Variants in CDKAL1 observed in about 807,000 individuals in gnomAD.
The protein encoded by CDKAL1 is threonylcarbamoyladenosine tRNA methylthiotransferase.
A neutral mutation model predicts 68.2 loss-of-function variants in CDKAL1; 32 were observed. The observed-to-expected ratio is 0.47, with a 90% confidence interval of 0.35 to 0.63. The LOEUF (loss-of-function observed/expected upper bound fraction) is 0.63, where lower values mean the gene tolerates loss of function less well. CDKAL1 is among the 30% of genes least tolerant of loss of function. The probability of loss-of-function intolerance (pLI) is 0.00; values close to 1 mark genes in which losing one functional copy is unlikely to be tolerated. For synonymous variants in CDKAL1, 234 were observed against 244.3 expected, an observed-to-expected ratio of 0.96 and a Z score of 0.39; for missense variants, 606 against 696.7, an observed-to-expected ratio of 0.87 and a Z score of 1.47.
intron 11 of CDKAL1, among the ~76,000 whole-genome samples, chr6:21,028,611 C>G (rs1582057253): frequency 6.6e-6 from 1 of 152,166 alleles, no homozygotes; most frequent in South Asian, 2.1e-4. Context: ...GGGCTCCACC[C>G]TTAAGACCTC....
chr6:20,880,938 C>T (rs1160847626), intron 9 of CDKAL1, among the ~76,000 whole-genome samples: 3 of 152,204 alleles, frequency 2.0e-5, no homozygotes, highest in African/African-American at 7.2e-5. Context: ...ACCATCGGCT[C>T]TGAAGATTAG....
chr6:20,733,898 C>T (rs1773067428), intron 5 of CDKAL1, among the ~76,000 whole-genome samples: 1 of 151,958 alleles, frequency 6.6e-6, no homozygotes, highest in Non-Finnish European at 1.5e-5. Flanking sequence ...CCTGTAATCC[C>T]AGCACTTTGG....
chr6:21,044,411 T>C (rs996639766), intron 11 of CDKAL1, among the ~76,000 whole-genome samples: 2 of 152,292 alleles, frequency 1.3e-5, no homozygotes, highest in East Asian at 1.9e-4. Flanking sequence ...CTAATAGACT[T>C]TACCACTCTG....
chr6:20,950,626 G>A (rs1364561547), intron 9 of CDKAL1, among the ~76,000 whole-genome samples: 1 of 152,080 alleles, frequency 6.6e-6, no homozygotes, highest in Non-Finnish European at 1.5e-5. Context: ...AAAGACTCAA[G>A]GATAAAATTG....
chr6:20,971,082 C>T (rs904163398), intron 10 of CDKAL1, among the ~76,000 whole-genome samples: 26 of 152,266 alleles, frequency 1.7e-4, no homozygotes, highest in African/African-American at 4.6e-4. Flanking sequence ...CTCCTGACCT[C>T]GTGATCTGCC....
At chr6:21,087,930 G>C (rs2150965181) in intron 12 of CDKAL1, among the ~76,000 whole-genome samples, 1 of 152,186 alleles carries the variant, frequency 6.6e-6, no homozygotes, top group Middle Eastern at 3.4e-3. Context: ...TCCAACTGTG[G>C]TCCTGTCTAC....
chr6:20,958,908 C>A (rs7738201), intron 10 of CDKAL1, among the ~76,000 whole-genome samples: 28,761 of 151,910 alleles, frequency 0.19, 2,903 homozygotes, highest in Middle Eastern at 0.27. Flanking sequence ...AGAAAAAAAA[C>A]CAAACAGTTT....
At chr6:20,812,190 A>T (rs1776849203) in intron 8 of CDKAL1, among the ~76,000 whole-genome samples, 1 of 152,194 alleles carries the variant, frequency 6.6e-6, no homozygotes, top group South Asian at 2.1e-4. Context: ...CTTTGGTTTT[A>T]TTTAAGATAT....
chr6:20,893,556 A>G (rs1321207984), intron 9 of CDKAL1, among the ~76,000 whole-genome samples: 1 of 152,186 alleles, frequency 6.6e-6, no homozygotes, highest in East Asian at 1.9e-4. Flanking sequence ...TGTTCTGGGC[A>G]TAGTTACATT....
chr6:21,200,315 G>T (rs1341353120), intron 14 of CDKAL1, among the ~76,000 whole-genome samples: 1 of 152,204 alleles, frequency 6.6e-6, no homozygotes, highest in Non-Finnish European at 1.5e-5. Flanking sequence ...CAGAGGACTG[G>T]TTCTAGATGG....
intron 13 of CDKAL1, among the ~76,000 whole-genome samples, chr6:21,147,220 T>TA (rs1195394180): frequency 3.3e-5 from 5 of 152,228 alleles, no homozygotes; most frequent in South Asian, 4.1e-4. Flanking sequence ...TCTGGATAAA[T>TA]AAAAAAGATA....
rs199514636 is a variant in CDKAL1, at chr6:20,654,736, A to G, written c.371+5359A>G. ...CTATTCTTTCTTCTTTTATCTGTGC[A>G]TTGCCCACCCTCTCATATGTTGAGT... On this transcript the variant is annotated intron_variant, in intron 5 of 15. Transcript: ENST00000274695. 6.6e-5 allele frequency among the ~76,000 whole-genome samples: 10 copies of G among 152,172 alleles called. No individual in the cohort carries two copies. In the East Asian group the frequency reaches 1.4e-3, roughly 21 times the overall value.
At chr6:21,118,073 A>C (rs542162625) in intron 13 of CDKAL1, among the ~76,000 whole-genome samples, 1 of 152,342 alleles carries the variant, frequency 6.6e-6, no homozygotes, top group South Asian at 2.1e-4. Context: ...TGTCCATATT[A>C]TATTTTCCAG....
At chr6:20,695,067 C>T (rs1771051521) in intron 5 of CDKAL1, among the ~76,000 whole-genome samples, 1 of 152,116 alleles carries the variant, frequency 6.6e-6, no homozygotes, top group Non-Finnish European at 1.5e-5. Context: ...TCAACTATTC[C>T]TTTATAGTGA....
At chr6:21,114,089 A>C (rs1250765435) in intron 13 of CDKAL1, among the ~76,000 whole-genome samples, 1 of 151,942 alleles carries the variant, frequency 6.6e-6, no homozygotes, top group East Asian at 1.9e-4. Context: ...TCTACTAAAA[A>C]CAGAAAAAAT....
intron 10 of CDKAL1, among the ~76,000 whole-genome samples, chr6:20,978,830 TTTG>T (rs1197848490): frequency 6.6e-6 from 1 of 152,134 alleles, no homozygotes; most frequent in African/African-American, 2.4e-5. Flanking sequence ...GTGGGATTGC[TTTG>T]TTGTTGAGAA....
At chr6:21,086,896 A>C (rs1039301163) in intron 12 of CDKAL1, among the ~76,000 whole-genome samples, 5 of 152,148 alleles carry the variant, frequency 3.3e-5, no homozygotes, top group Non-Finnish European at 1.5e-5. Context: ...TTAATTCTTA[A>C]CTGTCTCACT....
At chr6:21,174,109 A>G (rs570357309) in intron 13 of CDKAL1, among the ~76,000 whole-genome samples, 1 of 152,334 alleles carries the variant, frequency 6.6e-6, no homozygotes, top group African/African-American at 2.4e-5. Flanking sequence ...GAAAAAATTA[A>G]CAGAAAGGGA....
At chr6:20,875,475 T>A (rs1407977499) in intron 9 of CDKAL1, among the ~76,000 whole-genome samples, 1 of 152,176 alleles carries the variant, frequency 6.6e-6, no homozygotes, top group Non-Finnish European at 1.5e-5. Flanking sequence ...TGCTTCCCAC[T>A]CTTATAAAAT....
Sources: gnomAD v4.1 joint callset for allele counts (sites outside exome capture counted in the v4.1 genomes callset) on GRCh38, gnomAD v4.1.1 for gene constraint, MANE v1.5 for transcripts, NCBI Gene and HGNC (gene_info 2026-07-23, HGNC 2026-07-21) for gene names.